FRY: variants seen among roughly 807,000 people sequenced by gnomAD.
FRY encodes the protein FRY microtubule binding protein.
In FRY, 128 loss-of-function variants were observed where a neutral mutation model predicts 348.4. The observed-to-expected ratio is 0.37, with a 90% CI of 0.32 to 0.43. The LOEUF (loss-of-function observed/expected upper bound fraction) is 0.43. Among genes scored for constraint, FRY ranks in the 20% least tolerant of loss-of-function variants. The pLI, the probability that FRY is intolerant of heterozygous loss-of-function variation, is 1.00. For missense variants in FRY, 2,736 were observed against 3,695.2 expected (o/e 0.74, Z 6.73); for synonymous variants, 1,370 against 1,374.7 (o/e 1.00, Z 0.08).
intron 36 of FRY, among the ~76,000 whole-genome samples, chr13:32,219,647 T>C (rs1041670876): frequency 6.6e-6 from 1 of 151,840 alleles, no homozygotes; most frequent in Non-Finnish European, 1.5e-5. Flanking sequence ...TAGTCCCAGC[T>C]ACTCGGGAGG....
intron 1 of FRY, among the ~76,000 whole-genome samples, chr13:32,060,485 T>C (rs1264405601): frequency 6.6e-6 from 1 of 152,242 alleles, no homozygotes; most frequent in Non-Finnish European, 1.5e-5. Context: ...TCTCGCTGAC[T>C]CTTGGCTTCA....
intron 16 of FRY, among the ~76,000 whole-genome samples, chr13:32,158,288 A>C (rs959951318): frequency 6.6e-6 from 1 of 152,210 alleles, no homozygotes. Flanking sequence ...CGTTTCTTGG[A>C]TCAATGTGAT....
At chr13:32,203,103 A>G in intron 31 of FRY, among the ~76,000 whole-genome samples, 1 of 152,220 alleles carries the variant, frequency 6.6e-6, no homozygotes, top group East Asian at 1.9e-4. Context: ...AAACATACAT[A>G]TGACAAATGC....
intron 4 of FRY, among the ~76,000 whole-genome samples, chr13:32,118,801 A>G (rs187426371): frequency 2.0e-5 from 3 of 152,262 alleles, no homozygotes; most frequent in African/African-American, 7.2e-5. Flanking sequence ...TAGAATTTAA[A>G]TTGTTTATCT....
intron 2 of FRY, among the ~76,000 whole-genome samples, chr13:32,087,055 A>T (rs1008693348): frequency 6.6e-6 from 1 of 152,240 alleles, no homozygotes; most frequent in African/African-American, 2.4e-5. Context: ...GCTTAAAAAT[A>T]ATAGAACATG....
chr13:32,187,432 T>C (rs1883086360), intron 27 of FRY, 114 bp from the exon 28 acceptor site: 1 of 718,042 alleles, frequency 1.4e-6, no homozygotes, highest in Non-Finnish European at 2.6e-6. Context: ...AATAAGTGTC[T>C]TTAGAGGGCC....
At chr13:32,152,654 T>TA (rs1311614368) in intron 14 of FRY, among the ~76,000 whole-genome samples, 2 of 152,110 alleles carry the variant, frequency 1.3e-5, no homozygotes, top group South Asian at 2.1e-4. Flanking sequence ...AACCTAAAGG[T>TA]AAAATCTGAT....
chr13:32,160,054 C>T (rs1881354254), intron 16 of FRY, among the ~76,000 whole-genome samples: 1 of 152,058 alleles, frequency 6.6e-6, no homozygotes, highest in Admixed American at 6.6e-5. Flanking sequence ...TTCATATAAA[C>T]AATTTTTTAT....
At chr13:32,069,065 C>T (rs1377459114) in intron 1 of FRY, among the ~76,000 whole-genome samples, 2 of 151,980 alleles carry the variant, frequency 1.3e-5, no homozygotes, top group East Asian at 1.9e-4. Context: ...TAGAAGCACC[C>T]GCCACCACAC....
In FRY at chr13:32,247,437, G is replaced by A. The variant is rs1277964828; in HGVS notation, c.6943G>A (p.Val2315Met). ...SDLSKIEIHR[V>M]WTSASKELPG... The stretch of plus-strand genomic sequence containing the variant: ...CCTCTCAAAAATAGAAATACATCGA[G>A]TGTGGACTAGTGCTTCCAAGGAATT... Residue 2315 changes from valine to methionine, a missense_variant, in exon 48 of 61, where the codon GTG becomes ATG. Physicochemically the swap from Val to Met is conservative, Grantham distance 21 (BLOSUM62 1). Coordinates refer to ENST00000542859, the MANE Select transcript of FRY (RefSeq NM_023037.3). The A allele has an allele frequency of 1.2e-6, 2 of 1,613,364 alleles. No homozygotes were observed. Among genetic ancestry groups the A allele is most frequent in the East Asian group, 2.2e-5 (1 of 44,870 alleles).
In FRY at chr13:32,239,887, C is replaced by A. The variant is rs200449379; in HGVS notation, c.6687+6C>A. 2.9e-4 allele frequency: 361 copies of A among 1,260,480 alleles called. No homozygotes were observed. The highest frequency in any genetic ancestry group is 3.8e-4 in the Non-Finnish European group (345 of 909,200). The allele number at this position is 1,260,480 out of a possible 1,614,324, so 78.1% of individuals were successfully genotyped here. On this transcript the variant is annotated splice_donor_region_variant and intron_variant, in intron 46 of 60. Transcript: ENST00000542859. The surrounding 1 kb of genome is among the most constrained non-coding windows in gnomAD (Gnocchi z 4.3). Reference sequence around the variant, plus strand: ...TGGTTACCTACCTGGCAGAGGTAAGCTTTTTTTTTTTGTTTTTTGAGACAG... The same window carrying A: ...TGGTTACCTACCTGGCAGAGGTAAGATTTTTTTTTTTGTTTTTTGAGACAG...
At chr13:32,246,087 A>G (rs1029537948) in intron 47 of FRY, among the ~76,000 whole-genome samples, 2 of 152,186 alleles carry the variant, frequency 1.3e-5, no homozygotes, top group African/African-American at 4.8e-5. Context: ...GTCAGTTGAC[A>G]CCTTTCTACG....
intron 38 of FRY, among the ~76,000 whole-genome samples, chr13:32,225,293 A>T (rs1375361858): frequency 6.6e-6 from 1 of 152,178 alleles, no homozygotes; most frequent in Non-Finnish European, 1.5e-5. Flanking sequence ...ATCCAAAATA[A>T]GTTGGGCCTT....
intron 59 of FRY, chr13:32,291,986 T>G (rs1031934984): frequency 2.2e-6 from 1 of 452,620 alleles, no homozygotes; most frequent in Non-Finnish European, 4.4e-6. Flanking sequence ...TGTTGTTGTT[T>G]GTTTATTTGT....
chr13:32,294,531 ACGAACTCGGCAAAG>A lies in FRY; in HGVS notation c.8746_8759del (p.Glu2916PhefsTer14). ...TCCATGCTGGAGTGCCTGAAGAACA[ACGAACTCGGCAAAG>A]CTTTGCGGCAGATCAGGGAGTGCAG... On this transcript the variant is annotated frameshift_variant, in exon 60 of 61. Transcript: ENST00000542859. LOFTEE classifies it high-confidence loss of function. 1 of 1,614,148 alleles carries A rather than the reference ACGAACTCGGCAAAG, an allele frequency of 6.2e-7. No homozygotes were observed. The highest frequency in any genetic ancestry group is 8.5e-7 in the Non-Finnish European group (1 of 1,180,008).
intron 3 of FRY, among the ~76,000 whole-genome samples, chr13:32,105,529 A>T (rs550979491): frequency 9.5e-4 from 144 of 152,354 alleles, no homozygotes; most frequent in Middle Eastern, 3.4e-3. Context: ...AAGGTCTCTT[A>T]GTCCTTTGGC....
At chr13:32,058,186 T>A (rs1484486816) in intron 1 of FRY, among the ~76,000 whole-genome samples, 2 of 152,222 alleles carry the variant, frequency 1.3e-5, no homozygotes. Context: ...GTTTAAAATA[T>A]ATGACTTTTT....
Position 32,249,672 on chromosome 13 carries a change from G to T in FRY, c.7155G>T (p.Arg2385Ser), listed in dbSNP as rs373380074. ...SNVLVPVSWK[R>S]PQYSQKRTKE... Reference sequence around the variant, plus strand: ...TCCTTGTTCCAGTGAGCTGGAAAAGGCCCCAGTATTCTCAGGTATGCAATC... The same window carrying T: ...TCCTTGTTCCAGTGAGCTGGAAAAGTCCCCAGTATTCTCAGGTATGCAATC... The change falls in exon 49 of 61, where the codon AGG becomes AGT. Residue 2385 changes from arginine (R) to serine (S), a missense_variant. By Grantham distance (110) the Arg-to-Ser change is moderately radical. This residue lies in a region of FRY where 789 missense variants were observed against 996.2 expected (regional missense o/e 0.79). Coordinates refer to ENST00000542859, the MANE Select transcript of FRY (RefSeq NM_023037.3). 5 of 1,613,974 alleles carry T rather than the reference G, an allele frequency of 3.1e-6. No individual in the cohort carries two copies. The highest frequency in any genetic ancestry group is 4.2e-6 in the Non-Finnish European group (5 of 1,179,980).
At chr13:32,038,173 C>G (rs1286695710) in intron 1 of FRY, among the ~76,000 whole-genome samples, 2 of 152,150 alleles carry the variant, frequency 1.3e-5, no homozygotes, top group East Asian at 3.9e-4. Flanking sequence ...CATGAGATAC[C>G]CACATGGCAT....
Sources: gnomAD v4.1 joint callset for allele counts (sites outside exome capture counted in the v4.1 genomes callset) on GRCh38, gnomAD v4.1.1 for gene constraint, gnomAD v4.1.1 regional missense constraint, Gnocchi (gnomAD v3.1) non-coding constraint, MANE v1.5 for transcripts, NCBI Gene and HGNC (gene_info 2026-07-23, HGNC 2026-07-21) for gene names.